IMPG1: variants seen among roughly 807,000 people sequenced by gnomAD.
IMPG1 encodes the protein interphotoreceptor matrix proteoglycan 1.
A neutral mutation model predicts 92.0 loss-of-function variants in IMPG1; 85 were observed. The ratio of observed to expected loss-of-function variants is 0.92; its 90% confidence interval spans 0.78 to 1.11. The LOEUF is 1.11. Among genes scored for constraint, IMPG1 ranks in the 50% least tolerant of loss-of-function variants. The pLI is 0.00. For missense variants in IMPG1, 1,022 were observed against 956.0 expected (o/e 1.07, Z -0.91); for synonymous variants, 367 against 334.1 (o/e 1.10, Z -1.08).
chr6:75,980,004 C>G (rs1023295329), intron 12 of IMPG1, among the ~76,000 whole-genome samples: 1 of 152,172 alleles, frequency 6.6e-6, no homozygotes, highest in African/African-American at 2.4e-5. Context: ...TGATTCCACA[C>G]TGTATTGTAT....
chr6:76,037,903 C>G (rs1218865663), intron 2 of IMPG1, among the ~76,000 whole-genome samples: 1 of 152,222 alleles, frequency 6.6e-6, no homozygotes, highest in Admixed American at 6.5e-5. Context: ...TAGGCACAAC[C>G]TTGAGTGTGT....
At position 76,057,379 on chromosome 6, in the gene IMPG1, G is replaced by A. The variant is rs567820858; in HGVS notation, c.67+15043C>T. On this transcript the variant is annotated intron_variant, in intron 1 of 16. Transcript: ENST00000369950. ...GATGAGGCATGTAGCAGTGGGGACCGGGGTGCTTGTGCACCAGAGGTTGGG... is the reference window on the plus strand; with the variant it reads ...GATGAGGCATGTAGCAGTGGGGACCAGGGTGCTTGTGCACCAGAGGTTGGG... Among the ~76,000 whole-genome samples, 22 of 152,264 alleles carry A rather than the reference G, an allele frequency of 1.4e-4. No homozygotes were observed. The East Asian group carries it at 2.9e-3, about 20-fold the overall frequency.
chr6:76,008,489 T>C (rs1355598444), intron 8 of IMPG1, among the ~76,000 whole-genome samples: 1 of 152,188 alleles, frequency 6.6e-6, no homozygotes, highest in Non-Finnish European at 1.5e-5. Flanking sequence ...AGATATCATA[T>C]GACTGAAATG....
At chr6:76,035,454 G>A (rs548029374) in intron 2 of IMPG1, among the ~76,000 whole-genome samples, 4 of 141,808 alleles carry the variant, frequency 2.8e-5, no homozygotes, top group South Asian at 2.2e-4. Context: ...AGCCGAGATC[G>A]CGCCATTGCA....
intron 12 of IMPG1, among the ~76,000 whole-genome samples, chr6:75,952,010 G>A (rs1051169212): frequency 1.3e-5 from 2 of 152,056 alleles, no homozygotes; most frequent in African/African-American, 4.8e-5. Flanking sequence ...ATTACGCTCT[G>A]ACAATTTCTA....
intron 12 of IMPG1, among the ~76,000 whole-genome samples, chr6:75,974,330 C>CCTTTCTTTCTTTCTTTCTTT (rs558072098): frequency 2.5e-4 from 25 of 98,276 alleles, no homozygotes; most frequent in South Asian, 3.9e-4. Context: ...TCTTTCTTTC[C>CCTTTCTTTCTTTCTTTCTTT]CTTTCTTTCT....
At chr6:75,926,646 A>G (rs941822826) in intron 15 of IMPG1, among the ~76,000 whole-genome samples, 1 of 152,332 alleles carries the variant, frequency 6.6e-6, no homozygotes, top group African/African-American at 2.4e-5. Flanking sequence ...AAAAGTCAGA[A>G]TCTACTCTGT....
intron 12 of IMPG1, among the ~76,000 whole-genome samples, chr6:75,971,014 C>A (rs1782404660): frequency 6.6e-6 from 1 of 152,076 alleles, no homozygotes; most frequent in Admixed American, 6.6e-5. Flanking sequence ...AAGACACATG[C>A]ACATGTATGT....
chr6:76,027,359 G>T (rs935767686), intron 4 of IMPG1, among the ~76,000 whole-genome samples: 1 of 152,070 alleles, frequency 6.6e-6, no homozygotes. Context: ...GGCAAACCTC[G>T]GCTGCAGTCA....
chr6:76,067,662 G>A (rs1482418456), intron 1 of IMPG1, among the ~76,000 whole-genome samples: 1 of 152,138 alleles, frequency 6.6e-6, no homozygotes, highest in Non-Finnish European at 1.5e-5. Context: ...AATCAAGGAG[G>A]AGGGAATCCT....
At chr6:75,993,639 C>A (rs749430367) in intron 12 of IMPG1, among the ~76,000 whole-genome samples, 15 of 152,164 alleles carry the variant, frequency 9.9e-5, no homozygotes, top group Non-Finnish European at 1.6e-4. Flanking sequence ...CTTCCAAATA[C>A]CATCACAGTG....
intron 12 of IMPG1, among the ~76,000 whole-genome samples, chr6:75,998,386 A>G (rs1056862001): frequency 2.0e-5 from 3 of 152,204 alleles, no homozygotes; most frequent in Non-Finnish European, 4.4e-5. Context: ...TTGGTTTTAC[A>G]TTGAGATCAT....
At chr6:76,031,239 G>C (rs1224420261) in intron 4 of IMPG1, among the ~76,000 whole-genome samples, 2 of 152,176 alleles carry the variant, frequency 1.3e-5, no homozygotes, top group Non-Finnish European at 2.9e-5. Context: ...GTCTGTGTTA[G>C]TATAATATAG....
chr6:76,063,452 G>C (rs191750935), intron 1 of IMPG1, among the ~76,000 whole-genome samples: 12 of 152,208 alleles, frequency 7.9e-5, no homozygotes, highest in Admixed American at 5.2e-4. Context: ...GAGTGTTTTT[G>C]TTTCTCCTTG....
At chr6:76,060,424 A>G (rs1034283841) in intron 1 of IMPG1, among the ~76,000 whole-genome samples, 1 of 152,178 alleles carries the variant, frequency 6.6e-6, no homozygotes. Flanking sequence ...TGACAGCAGC[A>G]TTTCCATATA....
chr6:76,042,253 G>A, intron 1 of IMPG1, 127 bp from the exon 2 acceptor site: 2 of 633,314 alleles, frequency 3.2e-6, no homozygotes, highest in East Asian at 2.7e-5. Context: ...CTACCGTGGT[G>A]CAACTGCTAA....
intron 4 of IMPG1, 24 bp downstream of exon 4, chr6:76,034,291 A>G (rs753617317): frequency 1.2e-6 from 2 of 1,608,828 alleles, no homozygotes; most frequent in Admixed American, 1.7e-5. Context: ...GCACACACAC[A>G]CACACTCTAT....
chr6:76,039,788 C>T (rs1206772148), intron 2 of IMPG1, among the ~76,000 whole-genome samples: 1 of 152,124 alleles, frequency 6.6e-6, no homozygotes, highest in Non-Finnish European at 1.5e-5. Flanking sequence ...CAGAGTTCAG[C>T]CTGTAGATTA....
intron 14 of IMPG1, among the ~76,000 whole-genome samples, chr6:75,934,388 C>T (rs1461156250): frequency 6.6e-6 from 1 of 152,182 alleles, no homozygotes; most frequent in Admixed American, 6.5e-5. Flanking sequence ...GTAAGGGCAT[C>T]GGATGTATCA....
Sources: allele counts gnomAD v4.1 joint callset (sites outside exome capture counted in the v4.1 genomes callset), GRCh38; gene constraint gnomAD v4.1.1; transcripts MANE v1.5; gene names NCBI Gene and HGNC (gene_info 2026-07-23, HGNC 2026-07-21).